The following MYLK2 variants were observed in gnomAD, a reference collection of about 807,000 sequenced individuals.
MYLK2 encodes myosin light chain kinase 2, skeletal/cardiac muscle.
MYLK2 carries 27 observed loss-of-function variants against 58.2 expected under a neutral mutation model. The ratio of observed to expected loss-of-function variants is 0.46; its 90% confidence interval spans 0.34 to 0.64. The LOEUF is 0.64. Among genes scored for constraint, MYLK2 ranks in the 30% least tolerant of loss-of-function variants. The pLI, the probability that MYLK2 is intolerant of heterozygous loss-of-function variation, is 0.01. For missense variants in MYLK2, 676 were observed against 764.3 expected (o/e 0.88, Z 1.36); for synonymous variants, 310 against 296.7 (o/e 1.04, Z -0.46).
rs745498112 is a variant in MYLK2, at chr20:31,826,733, G to A, written c.1082+19G>A. ...TGGAGTAGTGAGTGCCCGAAGTAGT[G>A]GTAGGGGCTGGGTGGGGGTACCACC... On this transcript the variant is annotated intron_variant, in intron 7 of 12. Coordinates refer to ENST00000375985, the MANE Select transcript of MYLK2 (RefSeq NM_033118.4). The A allele has an allele frequency of 1.1e-5, 18 of 1,614,090 alleles. No homozygotes were observed. Among genetic ancestry groups the A allele is most frequent in the Middle Eastern group, 1.6e-4 (1 of 6,062 alleles).
At chr20:31,827,123 A>AAG in intron 8 of MYLK2, 185 bp downstream of exon 8, 1 of 981,088 alleles carries the variant, frequency 1.0e-6, no homozygotes, top group South Asian at 4.7e-5. Context: ...GGGCACAGCA[A>AAG]AGAGAGAGAG....
chr20:31,833,649 G>A (rs965340833), intron 12 of MYLK2, 68 bp from the exon 13 acceptor site: 7 of 1,408,354 alleles, frequency 5.0e-6, no homozygotes, highest in Non-Finnish European at 5.0e-6. Flanking sequence ...CTTACAGGCT[G>A]CTCAGACACC....
chr20:31,819,726 C>G, intron 2 of MYLK2, 94 bp downstream of exon 2: 1 of 1,448,144 alleles, frequency 6.9e-7, no homozygotes, highest in Non-Finnish European at 9.5e-7. Flanking sequence ...GTTCTGTGCC[C>G]CAGCCTTGTT....
At position 31,821,571 on chromosome 20, in the gene MYLK2, G is replaced by C. The variant is rs775405264; in HGVS notation, c.606G>C (p.Glu202Asp). The C allele has an allele frequency of 2.0e-5, 32 of 1,614,028 alleles. No homozygotes were observed. Among genetic ancestry groups the C allele is most frequent in the Non-Finnish European group, 2.5e-5 (29 of 1,180,050 alleles). Residue 202 changes from glutamate (E) to aspartate (D), a missense_variant, in exon 4 of 13, where the codon GAG becomes GAC. By Grantham distance (45) the Glu-to-Asp change is conservative (BLOSUM62 2). Transcript: ENST00000375985. ...AAGAAGGAAAGAACATCCTGGCAGAGAGCCAGAAGGAAGTGGGAGAGAAAA... is the reference window on the plus strand; with the variant it reads ...AAGAAGGAAAGAACATCCTGGCAGACAGCCAGAAGGAAGTGGGAGAGAAAA... ...KAEEGKNILA[E>D]SQKEVGEKTP... is the part of the protein sequence containing the mutation.
In MYLK2 at chr20:31,826,875, C is replaced by G. The variant is rs1251847749; in HGVS notation, c.1161C>G (p.Val387=). The G allele has an allele frequency of 1.2e-6, 2 of 1,613,962 alleles. No homozygotes were observed. The highest frequency in any genetic ancestry group is 1.3e-5 in the African/African-American group (1 of 74,878). Residue 387 remains valine, a synonymous_variant, in exon 8 of 13, where the codon GTC becomes GTG. Coordinates refer to ENST00000375985, the MANE Select transcript of MYLK2 (RefSeq NM_033118.4). ...HLTEVDTMVF[V]RQICDGILFM... ...CCGAGGTGGACACCATGGTGTTTGTCAGGCAGATCTGTGACGGGATCCTCT... is the reference window on the plus strand; with the variant it reads ...CCGAGGTGGACACCATGGTGTTTGTGAGGCAGATCTGTGACGGGATCCTCT...
At chr20:31,819,686 A>T in intron 2 of MYLK2, 54 bp downstream of exon 2, 1 of 1,544,350 alleles carries the variant, frequency 6.5e-7, no homozygotes, top group Non-Finnish European at 8.8e-7. Flanking sequence ...GGGGTTTTGA[A>T]TCCAGGACTG....
intron 3 of MYLK2, among the ~76,000 whole-genome samples, 158 bp downstream of exon 3, chr20:31,820,704 G>T (rs766533893): frequency 6.6e-6 from 1 of 152,166 alleles, no homozygotes; most frequent in South Asian, 2.1e-4. Flanking sequence ...TGCCTCTACC[G>T]CCTTGTCCCC....
intron 6 of MYLK2, 34 bp downstream of exon 6, chr20:31,824,386 A>T (rs775861880): frequency 6.3e-7 from 1 of 1,589,768 alleles, no homozygotes; most frequent in Non-Finnish European, 8.6e-7. Context: ...GCTGCCCAGG[A>T]TGGGGAGGGG....
intron 11 of MYLK2, 34 bp from the exon 12 acceptor site, chr20:31,831,970 G>A: frequency 6.2e-7 from 1 of 1,612,444 alleles, no homozygotes; most frequent in Non-Finnish European, 8.5e-7. Flanking sequence ...TCACGAGCAT[G>A]CAGCCCACCG....
chr20:31,825,069 G>A (rs1367703130), intron 6 of MYLK2, among the ~76,000 whole-genome samples: 3 of 152,170 alleles, frequency 2.0e-5, no homozygotes, highest in Non-Finnish European at 2.9e-5. Flanking sequence ...GGAAAGGCTC[G>A]AGGGCCAGAG....
chr20:31,833,708 G>T lies in MYLK2; in HGVS notation c.1711-9G>T, dbSNP rs775624947. The T allele has an allele frequency of 6.2e-7, 1 of 1,613,622 alleles. No homozygotes were observed. On this transcript the variant is annotated splice_polypyrimidine_tract_variant and intron_variant, in intron 12 of 12. Coordinates refer to ENST00000375985, the MANE Select transcript of MYLK2 (RefSeq NM_033118.4). ...TGTTGACTGGGACTCCCTCTCTTCT[G>T]CCCTCTAGAAAAACTTCATTGCTGT...
chr20:31,831,025 C>T lies in MYLK2; in HGVS notation c.1308C>T (p.Asn436=), dbSNP rs369603764. 1.4e-4 allele frequency: 220 copies of T among 1,614,034 alleles called. No individual in the cohort carries two copies. Among genetic ancestry groups the T allele is most frequent in the Non-Finnish European group, 1.8e-4 (210 of 1,180,032 alleles). The part of the protein sequence containing the change: ...DFGLARRYNP[N]EKLKVNFGTP... ...GTCTCACCCCCAGGTATAACCCCAA[C>T]GAGAAGCTGAAGGTGAACTTTGGGA... is the stretch of plus-strand genomic sequence containing the variant. The change falls in exon 10 of 13, where the codon AAC becomes AAT. Residue 436 remains asparagine, a synonymous_variant. Coordinates refer to ENST00000375985, the MANE Select transcript of MYLK2 (RefSeq NM_033118.4).
rs370240349 is a variant in MYLK2, at chr20:31,831,815, G to T, written c.1537G>T (p.Ala513Ser). 1.2e-6 allele frequency: 2 copies of T among 1,614,038 alleles called. No homozygotes were observed. The highest frequency in any genetic ancestry group is 1.7e-6 in the Non-Finnish European group (2 of 1,180,036). Reference protein sequence around the residue: ...EETFEAVSDEAKDFVSNLIVK... With the variant: ...EETFEAVSDESKDFVSNLIVK... ...GACCTTTGAGGCCGTATCAGACGAGGCCAAAGACTTTGTCTCCAACCTCAT... is the reference window on the plus strand; with the variant it reads ...GACCTTTGAGGCCGTATCAGACGAGTCCAAAGACTTTGTCTCCAACCTCAT... Residue 513 changes from alanine (A) to serine (S), a missense_variant, in exon 11 of 13, where the codon GCC becomes TCC. This residue lies in a region of MYLK2 where 370 missense variants were observed against 467.8 expected (regional missense o/e 0.79). Coordinates refer to ENST00000375985, the MANE Select transcript of MYLK2 (RefSeq NM_033118.4).
intron 3 of MYLK2, among the ~76,000 whole-genome samples, 169 bp downstream of exon 3, chr20:31,820,715 T>C (rs906779598): frequency 6.6e-6 from 1 of 152,194 alleles, no homozygotes; most frequent in African/African-American, 2.4e-5. Flanking sequence ...CCTTGTCCCC[T>C]GCAGAAACCA....
chr20:31,831,194 C>G, intron 10 of MYLK2, 53 bp downstream of exon 10: 1 of 1,612,740 alleles, frequency 6.2e-7, no homozygotes, highest in South Asian at 1.1e-5. Flanking sequence ...TGGGGGCGAG[C>G]GGCCGAGGCC....
chr20:31,827,086 G>A (rs1390032576), intron 8 of MYLK2, 148 bp downstream of exon 8: 8 of 1,481,694 alleles, frequency 5.4e-6, no homozygotes, highest in East Asian at 2.5e-5. Context: ...AGGGTTTATG[G>A]AATACTTACC....
chr20:31,827,417 A>G, intron 8 of MYLK2: 6 of 985,448 alleles, frequency 6.1e-6, no homozygotes, highest in Non-Finnish European at 7.2e-6. Context: ...CCAAACAGAT[A>G]AAAATCCCTG....
intron 12 of MYLK2, among the ~76,000 whole-genome samples, chr20:31,833,364 G>A (rs113632389): frequency 0.012 from 1,899 of 152,264 alleles, 34 homozygotes; most frequent in African/African-American, 0.044. Flanking sequence ...AGTATGGATG[G>A]AGTGGAGTGA....
intron 4 of MYLK2, among the ~76,000 whole-genome samples, chr20:31,822,223 G>GT (rs1279233377): frequency 6.6e-6 from 1 of 152,098 alleles, no homozygotes; most frequent in Non-Finnish European, 1.5e-5. Flanking sequence ...CCACTTTTGA[G>GT]TTTTTTCTAC....
Sources: gnomAD v4.1 joint callset for allele counts (sites outside exome capture counted in the v4.1 genomes callset) on GRCh38, gnomAD v4.1.1 for gene constraint, gnomAD v4.1.1 regional missense constraint, MANE v1.5 for transcripts, NCBI Gene and HGNC (gene_info 2026-07-23, HGNC 2026-07-21) for gene names.